TTLL5: variants seen among roughly 807,000 people sequenced by gnomAD.
TTLL5 encodes tubulin polyglutamylase TTLL5.
In TTLL5, 132 loss-of-function variants were observed where a neutral mutation model predicts 168.4. That is an observed-to-expected ratio of 0.78 (90% CI 0.68 to 0.91). TTLL5 has a LOEUF of 0.91. Among genes scored for constraint, TTLL5 ranks in the 40% least tolerant of loss-of-function variants. The pLI is 0.00. For synonymous variants in TTLL5, 546 were observed against 558.6 expected (o/e 0.98, Z 0.32); for missense variants, 1,545 against 1,581.5 (o/e 0.98, Z 0.39).
intron 31 of TTLL5, among the ~76,000 whole-genome samples, chr14:75,912,162 A>G (rs958980192): frequency 2.0e-5 from 3 of 150,808 alleles, no homozygotes; most frequent in Admixed American, 2.0e-4. Context: ...GACTCTCTCT[A>G]TGGGATTGTT....
rs566582776 is a variant in TTLL5 at position 75,732,478 on chromosome 14, T to G, written c.1124+59T>G. 11 of 1,435,292 alleles carry G rather than the reference T, an allele frequency of 7.7e-6. No homozygotes were observed. In the African/African-American group the frequency reaches 1.4e-4, roughly 18 times the overall value. The allele number at this position is 1,435,292 out of a possible 1,614,324, so 88.9% of individuals were successfully genotyped here. On this transcript the variant is annotated intron_variant, in intron 13 of 31. Transcript: ENST00000298832. ...TCTTCAAGTAGTACTTAAAGCACTT[T>G]TTTTTTTTTGATCATTTCTCTTGGC...
chr14:75,737,615 C>T, intron 15 of TTLL5: 1 of 1,534,986 alleles, frequency 6.5e-7, no homozygotes. Flanking sequence ...CAGGTAAGTT[C>T]TAGATCTTTT....
At chr14:75,687,429 G>T (rs1002941795) in intron 5 of TTLL5, among the ~76,000 whole-genome samples, 1 of 151,894 alleles carries the variant, frequency 6.6e-6, no homozygotes, top group African/African-American at 2.4e-5. Flanking sequence ...ATGCACTACG[G>T]CTGGCTGATT....
At chr14:75,881,794 T>C (rs773225322) in intron 29 of TTLL5, among the ~76,000 whole-genome samples, 1 of 152,202 alleles carries the variant, frequency 6.6e-6, no homozygotes, top group Non-Finnish European at 1.5e-5. Context: ...GAAAGCAGTA[T>C]TAATAGTATT....
chr14:75,664,484 T>A (rs1262224140), intron 2 of TTLL5, among the ~76,000 whole-genome samples: 1 of 152,224 alleles, frequency 6.6e-6, no homozygotes, highest in East Asian at 1.9e-4. Flanking sequence ...AATAGCATAA[T>A]GTATGTGAAA....
rs774808403 is a variant in TTLL5 at position 75,779,688 on chromosome 14, G to A, written c.2501G>A (p.Ser834Asn). 6.2e-7 allele frequency: 1 copy of A among 1,612,458 alleles called. No homozygotes were observed. The highest frequency in any genetic ancestry group is 1.1e-5 in the South Asian group (1 of 90,692). ...AAGAACAACAACAATTATTCTGATA[G>A]TGGGGCAAAAGGTGGTAAGTATACT... ...ISKNNNNYSDSGAKGDHPETI... is the reference protein window; with the variant it reads ...ISKNNNNYSDNGAKGDHPETI... The change falls in exon 24 of 32, where the codon AGT becomes AAT. Residue 834 changes from serine to asparagine, a missense_variant. Transcript: ENST00000298832.
chr14:75,850,953 G>A (rs1489612457), intron 28 of TTLL5, among the ~76,000 whole-genome samples: 1 of 151,842 alleles, frequency 6.6e-6, no homozygotes, highest in Non-Finnish European at 1.5e-5. Context: ...AATTAGCCAG[G>A]TGTGTTAGCA....
chr14:75,672,495 G>T (rs1345580877), intron 3 of TTLL5, among the ~76,000 whole-genome samples: 2 of 151,806 alleles, frequency 1.3e-5, no homozygotes, highest in South Asian at 4.2e-4. Flanking sequence ...CACCCGCCTC[G>T]GCCTCCCAAA....
intron 28 of TTLL5, among the ~76,000 whole-genome samples, chr14:75,853,202 A>G (rs1419498916): frequency 6.6e-6 from 1 of 152,180 alleles, no homozygotes; most frequent in Non-Finnish European, 1.5e-5. Context: ...CAAGATTGTC[A>G]CTGTCTTTGC....
intron 27 of TTLL5, among the ~76,000 whole-genome samples, chr14:75,803,703 G>T (rs139387500): frequency 1.3e-5 from 2 of 152,170 alleles, no homozygotes; most frequent in Admixed American, 6.5e-5. Flanking sequence ...CCTGGGCTGG[G>T]GGCAGGAGAA....
intron 31 of TTLL5, among the ~76,000 whole-genome samples, chr14:75,917,558 G>A (rs1297802138): frequency 2.0e-5 from 3 of 152,228 alleles, no homozygotes; most frequent in African/African-American, 4.8e-5. Flanking sequence ...AGGGGGGCAT[G>A]TGTAGTTTAG....
intron 28 of TTLL5, among the ~76,000 whole-genome samples, chr14:75,846,844 T>C (rs1377871407): frequency 6.6e-6 from 1 of 151,768 alleles, no homozygotes; most frequent in Non-Finnish European, 1.5e-5. Flanking sequence ...GAGTTCCCTG[T>C]TGGCCTCCAG....
intron 7 of TTLL5, among the ~76,000 whole-genome samples, chr14:75,699,956 C>G (rs1886143875): frequency 6.6e-6 from 1 of 151,926 alleles, no homozygotes; most frequent in Admixed American, 6.6e-5. Flanking sequence ...TTGTTAATTC[C>G]CAGTTTGGCA....
chr14:75,686,985 A>G (rs1885108204), intron 5 of TTLL5, among the ~76,000 whole-genome samples: 1 of 152,202 alleles, frequency 6.6e-6, no homozygotes, highest in Non-Finnish European at 1.5e-5. Context: ...TTTCTTTCAC[A>G]GGTTCGGTTT....
intron 30 of TTLL5, among the ~76,000 whole-genome samples, chr14:75,888,253 G>A (rs981291350): frequency 3.3e-5 from 5 of 152,226 alleles, no homozygotes; most frequent in African/African-American, 1.2e-4. Flanking sequence ...AAAGTTGCGT[G>A]ATGGTGTGTG....
chr14:75,908,298 C>T (rs1412882117), intron 31 of TTLL5, among the ~76,000 whole-genome samples: 1 of 152,240 alleles, frequency 6.6e-6, no homozygotes, highest in African/African-American at 2.4e-5. Context: ...ACCAGCCTGG[C>T]ATGTGGCCGA....
chr14:75,901,444 G>C (rs981175740), intron 30 of TTLL5, among the ~76,000 whole-genome samples: 1 of 152,222 alleles, frequency 6.6e-6, no homozygotes, highest in African/African-American at 2.4e-5. Context: ...CAAAGAATCA[G>C]ATATACTCTG....
chr14:75,747,011 A>AT (rs1443182272), intron 17 of TTLL5, among the ~76,000 whole-genome samples: 1 of 151,750 alleles, frequency 6.6e-6, no homozygotes, highest in East Asian at 1.9e-4. Flanking sequence ...TTCTTCAAAT[A>AT]TTTTTTTCTA....
At chr14:75,780,278 G>C (rs1022498905) in intron 24 of TTLL5, among the ~76,000 whole-genome samples, 3 of 152,108 alleles carry the variant, frequency 2.0e-5, no homozygotes, top group South Asian at 2.1e-4. Context: ...GTGTGGGGCT[G>C]TTCCATACCT....
Sources: allele counts gnomAD v4.1 joint callset (sites outside exome capture counted in the v4.1 genomes callset), GRCh38; gene constraint gnomAD v4.1.1; transcripts MANE v1.5; gene names NCBI Gene and HGNC (gene_info 2026-07-23, HGNC 2026-07-21).